Variants in TRIM58 observed in about 807,000 individuals in gnomAD.
TRIM58 encodes the protein E3 ubiquitin-protein ligase TRIM58.
Under a neutral mutation model 34.1 loss-of-function variants are expected in TRIM58, and 38 were observed. The ratio of observed to expected loss-of-function variants is 1.12; its 90% confidence interval spans 0.86 to 1.46. The LOEUF (loss-of-function observed/expected upper bound fraction) is 1.46. TRIM58 is among the 40% of genes most tolerant of loss of function. The probability of loss-of-function intolerance (pLI) is 0.00; values close to 1 mark genes in which losing one functional copy is unlikely to be tolerated. For missense variants in TRIM58, 677 were observed against 642.0 expected (o/e 1.05, Z -0.59); for synonymous variants, 273 against 275.7 (o/e 0.99, Z 0.10).
chr1:247,869,578 T>C (rs1488846878), intron 5 of TRIM58, among the ~76,000 whole-genome samples: 2 of 152,330 alleles, frequency 1.3e-5, no homozygotes, highest in East Asian at 3.9e-4. Context: ...CCCAGTGTCA[T>C]AGGTATGGTG....
chr1:247,867,074 G>T (rs991504266), intron 3 of TRIM58, among the ~76,000 whole-genome samples: 32 of 152,026 alleles, frequency 2.1e-4, no homozygotes. Context: ...AGAAAATAAT[G>T]TTACTAGTTA....
chr1:247,877,505 C>T lies in TRIM58; in HGVS notation c.*1016C>T, dbSNP rs1217231774. 1 of 152,110 alleles carries T rather than the reference C, an allele frequency of 6.6e-6. No individual in the cohort carries two copies. The highest frequency in any genetic ancestry group is 1.5e-5 in the Non-Finnish European group (1 of 68,014). 9.4% of individuals were successfully genotyped at this position (152,110 alleles called of 1,614,324 possible). On this transcript the variant is annotated 3_prime_UTR_variant, in exon 6 of 6. Coordinates refer to ENST00000366481, the MANE Select transcript of TRIM58 (RefSeq NM_015431.4). ...GTGGAGACAGGAGAATTGCTTGAACCCTGGAGGCGGAGGTTGCAGTGAGCC... is the reference window on the plus strand; with the variant it reads ...GTGGAGACAGGAGAATTGCTTGAACTCTGGAGGCGGAGGTTGCAGTGAGCC...
At chr1:247,869,719 A>G (rs181915931) in intron 5 of TRIM58, among the ~76,000 whole-genome samples, 4 of 152,314 alleles carry the variant, frequency 2.6e-5, no homozygotes, top group Non-Finnish European at 5.9e-5. Flanking sequence ...AAGTCAAACT[A>G]TCAAGGAGAC....
chr1:247,867,091 G>A (rs1011873202), intron 3 of TRIM58, among the ~76,000 whole-genome samples: 3 of 151,962 alleles, frequency 2.0e-5, no homozygotes, highest in Non-Finnish European at 4.4e-5. Context: ...GTTATTAAAG[G>A]CTTCCTTTAT....
intron 5 of TRIM58, among the ~76,000 whole-genome samples, chr1:247,868,749 A>G (rs1332887903): frequency 6.6e-6 from 1 of 152,194 alleles, no homozygotes; most frequent in African/African-American, 2.4e-5. Context: ...CTCATTTATT[A>G]TAAGGGCGTT....
Position 247,876,445 on chromosome 1 carries a change from G to A in TRIM58, c.1417G>A (p.Asp473Asn), listed in dbSNP as rs886680114. 5.0e-6 allele frequency: 8 copies of A among 1,613,980 alleles called. No individual in the cohort carries two copies. The highest frequency in any genetic ancestry group is 1.7e-5 in the Admixed American group (1 of 59,988). ...AGGGTCAGGAAATTGGGCATCCAGG[G>A]ATCATTTAGATCCTGCTTCTGATGT... The part of the protein sequence containing the change: ...IAGSGNWASR[D>N]HLDPASDVRD... The change falls in exon 6 of 6, where the codon GAT (aspartate) becomes AAT (asparagine). Residue 473 changes from aspartate to asparagine, a missense_variant. Physicochemically the swap from Asp to Asn is conservative, Grantham distance 23. Coordinates refer to ENST00000366481, the MANE Select transcript of TRIM58 (RefSeq NM_015431.4).
In TRIM58 at chr1:247,857,371, A is replaced by C; in HGVS notation, c.125A>C (p.Glu42Ala). 6.6e-7 allele frequency: 1 copy of C among 1,526,050 alleles called. No homozygotes were observed. Among genetic ancestry groups the C allele is most frequent in the Non-Finnish European group, 8.8e-7 (1 of 1,135,496 alleles). The allele number at this position is 1,526,050 out of a possible 1,614,324, so 94.5% of individuals were successfully genotyped here. A position where few individuals can be genotyped will look rare whatever the true frequency, so the allele number is the denominator to read the frequency against. ...AGCTTCTGCCTCAGGTGCATCTCCG[A>C]GTTCTGCGAGAAGTCGGACGGCGCG... ...GHSFCLRCIS[E>A]FCEKSDGAQG... Residue 42 changes from glutamate (E) to alanine (A), a missense_variant, in exon 1 of 6, where the codon GAG becomes GCG. Glu to Ala is a moderately radical substitution (Grantham distance 107). Transcript: ENST00000366481.
intron 5 of TRIM58, among the ~76,000 whole-genome samples, chr1:247,872,764 G>A (rs1659171409): frequency 1.3e-5 from 2 of 152,116 alleles, no homozygotes; most frequent in African/African-American, 2.4e-5. Context: ...TCCAAGTCTT[G>A]GGACTATAGG....
At position 247,877,189 on chromosome 1, in the gene TRIM58, G is replaced by C. The variant is rs1558354381; in HGVS notation, c.*700G>C. The C allele has an allele frequency of 2.0e-5, 3 of 151,946 alleles. No individual in the cohort carries two copies. The highest frequency in any genetic ancestry group is 6.6e-5 in the Admixed American group (1 of 15,256). 9.4% of individuals were successfully genotyped at this position (151,946 alleles called of 1,614,324 possible). On this transcript the variant is annotated 3_prime_UTR_variant, in exon 6 of 6. Coordinates refer to ENST00000366481, the MANE Select transcript of TRIM58 (RefSeq NM_015431.4). ...CTGAATCTAATATCACTAACTCCTA[G>C]ACTTTTTCCGTTTTCTTTGGATACA...
In TRIM58 at chr1:247,857,196, G is replaced by A. The variant is rs1039402238; in HGVS notation, c.-51G>A. ...GGGCTCCTCCCCCTGTGCAGACCGC[G>A]AGGGGAGACGGTGCGGGCGGCCGGG... On this transcript the variant is annotated 5_prime_UTR_variant, in exon 1 of 6. Coordinates refer to ENST00000366481, the MANE Select transcript of TRIM58 (RefSeq NM_015431.4). 22 of 1,302,468 alleles carry A rather than the reference G, an allele frequency of 1.7e-5. No homozygotes were observed. The African/African-American group carries it at 2.5e-4, about 15-fold the overall frequency. 80.7% of individuals were successfully genotyped at this position (1,302,468 alleles called of 1,614,324 possible). A position where few individuals can be genotyped will look rare whatever the true frequency, so the allele number is the denominator to read the frequency against.
At chr1:247,872,589 T>C (rs1253468955) in intron 5 of TRIM58, among the ~76,000 whole-genome samples, 2 of 152,200 alleles carry the variant, frequency 1.3e-5, no homozygotes, top group African/African-American at 4.8e-5. Context: ...ATTCAAATGT[T>C]GCTATCAAGT....
At chr1:247,873,029 G>A (rs56299556) in intron 5 of TRIM58, among the ~76,000 whole-genome samples, 20,352 of 152,096 alleles carry the variant, frequency 0.13, 1,719 homozygotes, top group Non-Finnish European at 0.18. Flanking sequence ...TCAGGAGTTC[G>A]AGACCAGCCT....
At position 247,876,518 on chromosome 1, in the gene TRIM58, G is replaced by T; in HGVS notation, c.*29G>T. On this transcript the variant is annotated 3_prime_UTR_variant, in exon 6 of 6. Coordinates refer to ENST00000366481, the MANE Select transcript of TRIM58 (RefSeq NM_015431.4). Reference sequence around the variant, plus strand: ...TCTGTTCCCAAGATGCAGTCCTAGCGTAGCGAACGTTCCTGGAGTGGGGTG... The same window carrying T: ...TCTGTTCCCAAGATGCAGTCCTAGCTTAGCGAACGTTCCTGGAGTGGGGTG... The T allele has an allele frequency of 6.4e-7, 1 of 1,567,686 alleles. No individual in the cohort carries two copies. Among genetic ancestry groups the T allele is most frequent in the Non-Finnish European group, 8.7e-7 (1 of 1,147,994 alleles).
intron 2 of TRIM58, among the ~76,000 whole-genome samples, chr1:247,864,441 T>A (rs1663869309): frequency 6.6e-6 from 1 of 152,120 alleles, no homozygotes; most frequent in South Asian, 2.1e-4. Flanking sequence ...GTACTGAAAC[T>A]TCAGTATAAA....
chr1:247,857,654 C>A lies in TRIM58; in HGVS notation c.408C>A (p.Ala136=). 1 of 1,232,070 alleles carries A rather than the reference C, an allele frequency of 8.1e-7. No individual in the cohort carries two copies. The highest frequency in any genetic ancestry group is 1.0e-6 in the Non-Finnish European group (1 of 988,008). 76.3% of individuals were successfully genotyped at this position (1,232,070 alleles called of 1,614,324 possible). The change falls in exon 1 of 6, where the codon GCC becomes GCA. Residue 136 remains alanine, a synonymous_variant. Transcript: ENST00000366481. ...THRTAPLQEA[A]GSYQVKLQMA... ...GCACGGCGCCGCTGCAGGAGGCCGCCGGCAGCTACCAGGTGAGGCGCCCCC... is the reference window on the plus strand; with the variant it reads ...GCACGGCGCCGCTGCAGGAGGCCGCAGGCAGCTACCAGGTGAGGCGCCCCC...
rs1424610860 is a variant in TRIM58 at position 247,857,217 on chromosome 1, C to T, written c.-30C>T. 1 of 1,307,262 alleles carries T rather than the reference C, an allele frequency of 7.6e-7. No homozygotes were observed. Among genetic ancestry groups the T allele is most frequent in the African/African-American group, 1.5e-5 (1 of 64,834 alleles). The allele number at this position is 1,307,262 out of a possible 1,614,324, so 81.0% of individuals were successfully genotyped here. A position where few individuals can be genotyped will look rare whatever the true frequency, so the allele number is the denominator to read the frequency against. On this transcript the variant is annotated 5_prime_UTR_variant, in exon 1 of 6. Transcript: ENST00000366481. ...CCGCGAGGGGAGACGGTGCGGGCGG[C>T]CGGGAGCGCAGCCCTCCGGGAGGCG...
In TRIM58 at chr1:247,864,730, G is replaced by T. The variant is rs147592698; in HGVS notation, c.542G>T (p.Arg181Leu). Residue 181 changes from arginine to leucine, a missense_variant, in exon 3 of 6, where the codon CGC becomes CTC. Arg to Leu is a moderately radical substitution (Grantham distance 102). Coordinates refer to ENST00000366481, the MANE Select transcript of TRIM58 (RefSeq NM_015431.4). ...WKEKVEMQRQRFRLEFEKHRG... is the reference protein window; with the variant it reads ...WKEKVEMQRQLFRLEFEKHRG... ...GAGAAAGTGGAAATGCAGAGGCAGCGCTTCAGATTGGAGTTTGAGAAGCAT... is the reference window on the plus strand; with the variant it reads ...GAGAAAGTGGAAATGCAGAGGCAGCTCTTCAGATTGGAGTTTGAGAAGCAT... 1.1e-5 allele frequency: 17 copies of T among 1,614,188 alleles called. No individual in the cohort carries two copies. Among genetic ancestry groups the T allele is most frequent in the Non-Finnish European group, 1.4e-5 (17 of 1,180,042 alleles).
rs1273376399 is a variant in TRIM58, at chr1:247,857,272, G to C, written c.26G>C (p.Arg9Pro). Reference protein sequence around the residue: MAWAPPGERLREDARCPVC... With the variant: MAWAPPGEPLREDARCPVC... ...ATGGCCTGGGCGCCGCCCGGGGAGC[G>C]GCTGCGCGAGGATGCGCGGTGCCCG... The change falls in exon 1 of 6, where the codon CGG becomes CCG. Residue 9 changes from arginine to proline, a missense_variant. Physicochemically the swap from Arg to Pro is moderately radical, Grantham distance 103. Coordinates refer to ENST00000366481, the MANE Select transcript of TRIM58 (RefSeq NM_015431.4). 2 of 1,352,552 alleles carry C rather than the reference G, an allele frequency of 1.5e-6. No individual in the cohort carries two copies. The highest frequency in any genetic ancestry group is 1.5e-5 in the African/African-American group (1 of 66,148). 83.8% of individuals were successfully genotyped at this position (1,352,552 alleles called of 1,614,324 possible). A position where few individuals can be genotyped will look rare whatever the true frequency, so the allele number is the denominator to read the frequency against.
chr1:247,869,671 T>C (rs1001255357), intron 5 of TRIM58, among the ~76,000 whole-genome samples: 2 of 152,214 alleles, frequency 1.3e-5, no homozygotes, highest in Non-Finnish European at 2.9e-5. Flanking sequence ...GTACCCATGC[T>C]GAATTAGAGC....
Sources: allele counts gnomAD v4.1 joint callset (sites outside exome capture counted in the v4.1 genomes callset), GRCh38; gene constraint gnomAD v4.1.1; transcripts MANE v1.5; gene names NCBI Gene and HGNC (gene_info 2026-07-23, HGNC 2026-07-21).